SLIT3: variants seen among roughly 807,000 people sequenced by gnomAD.
SLIT3 encodes slit homolog 3 protein.
SLIT3 carries 68 observed loss-of-function variants against 184.0 expected under a neutral mutation model. The ratio of observed to expected loss-of-function variants is 0.37; its 90% CI spans 0.30 to 0.45. SLIT3 has a LOEUF of 0.45. Among genes scored for constraint, SLIT3 ranks in the 20% least tolerant of loss-of-function variants. The probability of loss-of-function intolerance (pLI) is 1.00; values close to 1 mark genes in which losing one functional copy is unlikely to be tolerated. For missense variants in SLIT3, 1,707 were observed against 2,026.0 expected (o/e 0.84, Z 3.02); for synonymous variants, 831 against 828.6 (o/e 1.00, Z -0.05).
intron 4 of SLIT3, among the ~76,000 whole-genome samples, chr5:169,130,881 GAT>G (rs1761272458): frequency 6.6e-6 from 1 of 152,168 alleles, no homozygotes; most frequent in African/African-American, 2.4e-5. Flanking sequence ...GCTACAGAAT[GAT>G]AGAGTATACT....
At chr5:169,236,773 G>A (rs1254538614) in intron 3 of SLIT3, among the ~76,000 whole-genome samples, 1 of 152,058 alleles carries the variant, frequency 6.6e-6, no homozygotes, top group Non-Finnish European at 1.5e-5. Context: ...CCCAGCCAGA[G>A]CAAGGAAATA....
intron 4 of SLIT3, among the ~76,000 whole-genome samples, chr5:169,166,082 G>A (rs1442320607): frequency 6.6e-6 from 1 of 152,116 alleles, no homozygotes; most frequent in African/African-American, 2.4e-5. Flanking sequence ...AAAGATCAAA[G>A]CCAGGATTTG....
At chr5:169,012,169 C>T (rs1756182749) in intron 4 of SLIT3, 2 of 152,140 alleles carry the variant, frequency 1.3e-5, no homozygotes, top group South Asian at 4.1e-4. Context: ...GCCTAGAAGA[C>T]TTTATTTTGT....
At chr5:168,775,858 A>G (rs1755728499) in intron 12 of SLIT3, among the ~76,000 whole-genome samples, 1 of 152,138 alleles carries the variant, frequency 6.6e-6, no homozygotes, top group African/African-American at 2.4e-5. Flanking sequence ...AAAGCAGAGG[A>G]TGCCACGAGG....
chr5:168,971,413 T>C (rs185102986), intron 4 of SLIT3, among the ~76,000 whole-genome samples: 73 of 152,336 alleles, frequency 4.8e-4, no homozygotes, highest in Admixed American at 2.0e-3. Context: ...CTGTACCCCA[T>C]TGCAGGAATC....
intron 6 of SLIT3, among the ~76,000 whole-genome samples, chr5:168,831,832 A>T (rs1757891485): frequency 6.6e-6 from 1 of 152,224 alleles, no homozygotes; most frequent in Non-Finnish European, 1.5e-5. Flanking sequence ...TTCTTTTATT[A>T]TATATTCATA....
At chr5:168,762,336 G>C (rs1755185521) in intron 15 of SLIT3, among the ~76,000 whole-genome samples, 1 of 152,144 alleles carries the variant, frequency 6.6e-6, no homozygotes. Flanking sequence ...GTAGAATGAA[G>C]GAATGAACTG....
chr5:169,010,887 C>T (rs572450186), intron 4 of SLIT3, among the ~76,000 whole-genome samples: 15 of 144,840 alleles, frequency 1.0e-4, no homozygotes, highest in South Asian at 6.5e-4. Context: ...CCAGCCTGGG[C>T]GACAGAGTGA....
Position 169,253,495 on chromosome 5 carries a change from C to A in SLIT3, c.198-2036G>T, listed in dbSNP as rs1055970106. ...GCAGTCCTGAGCTTGAATCCCTGTC[C>A]TGCCACTTACTGAGTGATCTAATGG... On this transcript the variant is annotated intron_variant, in intron 1 of 35. Coordinates refer to ENST00000519560, the MANE Select transcript of SLIT3 (RefSeq NM_003062.4). Among the ~76,000 whole-genome samples, 3 of 152,170 alleles carry A rather than the reference C, an allele frequency of 2.0e-5. No individual in the cohort carries two copies. In the East Asian group the frequency reaches 5.8e-4, roughly 29 times the overall value.
At chr5:169,293,785 T>C (rs960664580) in intron 1 of SLIT3, among the ~76,000 whole-genome samples, 4 of 152,210 alleles carry the variant, frequency 2.6e-5, no homozygotes, top group Non-Finnish European at 5.9e-5. Context: ...AGGGTTTCAC[T>C]GTATCAAACA....
chr5:168,997,570 C>T (rs1755559161), intron 4 of SLIT3, among the ~76,000 whole-genome samples: 1 of 152,150 alleles, frequency 6.6e-6, no homozygotes, highest in Non-Finnish European at 1.5e-5. Context: ...TTCTAGAAGC[C>T]TTGCCCCAAA....
intron 29 of SLIT3, among the ~76,000 whole-genome samples, chr5:168,689,625 C>A (rs1480999605): frequency 1.3e-5 from 2 of 152,226 alleles, no homozygotes; most frequent in African/African-American, 4.8e-5. Flanking sequence ...TCATTGTGAT[C>A]TTTCTTTTGG....
intron 3 of SLIT3, among the ~76,000 whole-genome samples, chr5:169,195,114 C>A (rs1396888652): frequency 6.6e-6 from 1 of 152,114 alleles, no homozygotes; most frequent in African/African-American, 2.4e-5. Flanking sequence ...TATATGATCC[C>A]CATCTGAGAG....
At chr5:168,841,798 G>T (rs1172720291) in intron 6 of SLIT3, among the ~76,000 whole-genome samples, 7 of 152,172 alleles carry the variant, frequency 4.6e-5, no homozygotes, top group African/African-American at 1.7e-4. Context: ...GTTAATTTGA[G>T]AGCTTTCTGG....
intron 5 of SLIT3, among the ~76,000 whole-genome samples, chr5:168,855,987 T>TA (rs1302493366): frequency 2.0e-5 from 3 of 152,140 alleles, no homozygotes. Context: ...CGGGCACCTG[T>TA]AGTCCTAGCT....
intron 16 of SLIT3, among the ~76,000 whole-genome samples, chr5:168,757,473 C>T (rs766754078): frequency 6.6e-6 from 1 of 152,156 alleles, no homozygotes; most frequent in African/African-American, 2.4e-5. Flanking sequence ...TCACTCTGTC[C>T]CCCAAGCTAG....
intron 12 of SLIT3, among the ~76,000 whole-genome samples, chr5:168,780,855 C>T (rs1755944763): frequency 6.6e-6 from 1 of 152,192 alleles, no homozygotes; most frequent in African/African-American, 2.4e-5. Flanking sequence ...CTTCAGCAAC[C>T]TACTGAGGCT....
At chr5:168,777,502 T>C (rs1755805173) in intron 12 of SLIT3, among the ~76,000 whole-genome samples, 1 of 152,214 alleles carries the variant, frequency 6.6e-6, no homozygotes, top group African/African-American at 2.4e-5. Context: ...GGCTCTTTTT[T>C]TCTCATCCAG....
chr5:168,770,544 G>A (rs1294148012), intron 14 of SLIT3, among the ~76,000 whole-genome samples: 3 of 152,144 alleles, frequency 2.0e-5, no homozygotes, highest in Admixed American at 2.0e-4. Context: ...GAGCTCAGCA[G>A]TCATGCTTTC....
Sources: allele counts gnomAD v4.1 joint callset (sites outside exome capture counted in the v4.1 genomes callset), GRCh38; gene constraint gnomAD v4.1.1; transcripts MANE v1.5; gene names NCBI Gene and HGNC (gene_info 2026-07-23, HGNC 2026-07-21).